Variants in CDH2 observed in about 807,000 individuals in gnomAD.
CDH2 encodes the protein cadherin 2.
In CDH2, 17 loss-of-function variants were observed where a neutral mutation model predicts 92.0. The ratio of observed to expected loss-of-function variants is 0.18; its 90% CI spans 0.13 to 0.28. The LOEUF (loss-of-function observed/expected upper bound fraction) is 0.28. Ranked by LOEUF, CDH2 falls within the 10% of genes least tolerant of loss-of-function variation. The probability of loss-of-function intolerance (pLI) is 1.00; values close to 1 mark genes in which losing one functional copy is unlikely to be tolerated. For synonymous variants in CDH2, 419 were observed against 415.9 expected (o/e 1.01, Z -0.09); for missense variants, 862 against 1,133.1 (o/e 0.76, Z 3.44).
At chr18:28,025,550 A>G (rs2013529111) in intron 2 of CDH2, among the ~76,000 whole-genome samples, 1 of 149,622 alleles carries the variant, frequency 6.7e-6, no homozygotes, top group African/African-American at 2.4e-5. Flanking sequence ...AAAAATAATA[A>G]GCGTTTGCAA....
At chr18:27,993,691 T>G in intron 7 of CDH2, 54 bp from the exon 8 acceptor site, 5 of 1,353,766 alleles carry the variant, frequency 3.7e-6, no homozygotes, top group Non-Finnish European at 5.2e-6. Flanking sequence ...CAAGAAGACA[T>G]AACAGTTGTT....
chr18:28,094,792 TAAAAAAAA>T (rs35744873), intron 2 of CDH2, among the ~76,000 whole-genome samples: 2 of 82,384 alleles, frequency 2.4e-5, no homozygotes, highest in Admixed American at 3.0e-4. Context: ...AGACTCTGTC[TAAAAAAAA>T]AAAAAAAAAA....
Position 28,011,832 on chromosome 18 carries a change from T to C in CDH2, c.546+14A>G, listed in dbSNP as rs375207400. The C allele has an allele frequency of 1.2e-6, 2 of 1,611,138 alleles. No homozygotes were observed. The highest frequency in any genetic ancestry group is 8.5e-7 in the Non-Finnish European group (1 of 1,178,894). ...TCTTGTGGTATGAAAACAGTTAAAA[T>C]TGTGCCACCTTACCCTGACAAGCTC... On this transcript the variant is annotated intron_variant, in intron 4 of 15. Coordinates refer to ENST00000269141, the MANE Select transcript of CDH2 (RefSeq NM_001792.5).
At chr18:28,045,489 G>A (rs2014056479) in intron 2 of CDH2, 2 of 459,850 alleles carry the variant, frequency 4.3e-6, no homozygotes, top group Non-Finnish European at 4.5e-6. Flanking sequence ...TCTTGTAAAT[G>A]AACTTCATTT....
chr18:27,978,046 G>C (rs1163537910), intron 14 of CDH2, among the ~76,000 whole-genome samples: 1 of 152,082 alleles, frequency 6.6e-6, no homozygotes, highest in East Asian at 1.9e-4. Context: ...TTTCTAACAG[G>C]CAGCCACATG....
chr18:28,104,047 C>CAGT (rs2015281178), intron 2 of CDH2, among the ~76,000 whole-genome samples: 1 of 152,126 alleles, frequency 6.6e-6, no homozygotes, highest in Non-Finnish European at 1.5e-5. Context: ...TGAGCTCTTG[C>CAGT]AGTAATTCCT....
chr18:28,114,396 C>G (rs1041797260), intron 2 of CDH2, among the ~76,000 whole-genome samples: 3 of 151,970 alleles, frequency 2.0e-5, no homozygotes. Context: ...CCAATTGATT[C>G]CAAGCCTCTA....
chr18:28,140,578 T>C (rs569072053), intron 2 of CDH2, among the ~76,000 whole-genome samples: 2 of 151,960 alleles, frequency 1.3e-5, no homozygotes, highest in Non-Finnish European at 2.9e-5. Context: ...AATGTGAACA[T>C]GGCCATCTAT....
At chr18:28,036,605 G>T in intron 2 of CDH2, 1 of 1,193,834 alleles carries the variant, frequency 8.4e-7, no homozygotes, top group Non-Finnish European at 1.2e-6. Flanking sequence ...AGTCATAATA[G>T]GTATGTCAGA....
At chr18:28,069,270 G>C (rs1051201983) in intron 2 of CDH2, among the ~76,000 whole-genome samples, 1 of 152,036 alleles carries the variant, frequency 6.6e-6, no homozygotes, top group African/African-American at 2.4e-5. Context: ...AATTTGACAT[G>C]GTTCTTCAAA....
intron 2 of CDH2, among the ~76,000 whole-genome samples, chr18:28,066,376 ATTTTAAGGTTGCCACCTTTAGCACAAGAG>A (rs1232131911): frequency 2.0e-5 from 3 of 152,146 alleles, no homozygotes; most frequent in African/African-American, 7.2e-5. Context: ...GTATTTTTAG[ATTTTAAGGTTGCCACCTTTAGCACAAGAG>A]TTCGAACAAA....
At chr18:27,956,070 T>G (rs1254800788) in intron 15 of CDH2, among the ~76,000 whole-genome samples, 1 of 152,154 alleles carries the variant, frequency 6.6e-6, no homozygotes, top group Admixed American at 6.5e-5. Flanking sequence ...CCTAAGAAAC[T>G]GACAGTAACA....
chr18:28,013,969 C>T (rs1421679357), intron 2 of CDH2, 60 bp from the exon 3 acceptor site: 12 of 1,172,966 alleles, frequency 1.0e-5, no homozygotes, highest in Non-Finnish European at 1.5e-5. Flanking sequence ...AAAAAAAAAC[C>T]CCTAATACTT....
At chr18:27,942,657 C>A (rs1365039736) in intron 6 of CDH2, among the ~76,000 whole-genome samples, 1 of 152,192 alleles carries the variant, frequency 6.6e-6, no homozygotes, top group African/African-American at 2.4e-5. Flanking sequence ...AGAAAAGATT[C>A]ATCTTTCTTA....
At chr18:27,941,001 A>G (rs1369951220) in intron 6 of CDH2, among the ~76,000 whole-genome samples, 1 of 149,044 alleles carries the variant, frequency 6.7e-6, no homozygotes, top group Non-Finnish European at 1.5e-5. Flanking sequence ...AGATACATAC[A>G]TACATAGCTG....
chr18:28,036,382 G>A (rs772292282), intron 2 of CDH2: 238 of 757,094 alleles, frequency 3.1e-4, no homozygotes, highest in Non-Finnish European at 4.8e-4. Context: ...AATGTACTTT[G>A]TACATAAGTC....
intron 2 of CDH2, among the ~76,000 whole-genome samples, chr18:28,126,714 C>T (rs1451292834): frequency 6.6e-6 from 1 of 151,826 alleles, no homozygotes; most frequent in African/African-American, 2.4e-5. Context: ...TTTTTTGTTT[C>T]AAACATTCAT....
chr18:28,002,917 G>A, intron 7 of CDH2, 80 bp downstream of exon 7: 2 of 1,183,894 alleles, frequency 1.7e-6, no homozygotes, highest in South Asian at 1.3e-5. Context: ...ATTGTGATGT[G>A]GAGATAAAAT....
chr18:28,177,027 G>A lies in CDH2; in HGVS notation c.-5C>T. On this transcript the variant is annotated 5_prime_UTR_variant, in exon 1 of 16. Coordinates refer to ENST00000269141, the MANE Select transcript of CDH2 (RefSeq NM_001792.5). ...CGCTCCCGCTATCCGGCACATGGAG[G>A]CGGAGAGGGGCCGAGCGAAGAGCCG... is the stretch of plus-strand genomic sequence containing the variant. The A allele has an allele frequency of 6.7e-7, 1 of 1,487,498 alleles. No homozygotes were observed. Among genetic ancestry groups the A allele is most frequent in the Non-Finnish European group, 8.9e-7 (1 of 1,122,332 alleles). 92.1% of individuals were successfully genotyped at this position (1,487,498 alleles called of 1,614,324 possible).
Sources: gnomAD v4.1 joint callset for allele counts (sites outside exome capture counted in the v4.1 genomes callset) on GRCh38, gnomAD v4.1.1 for gene constraint, MANE v1.5 for transcripts, NCBI Gene and HGNC (gene_info 2026-07-23, HGNC 2026-07-21) for gene names.